NFIX: variants seen among roughly 807,000 people sequenced by gnomAD.
NFIX encodes the protein nuclear factor 1 X-type.
Under a neutral mutation model 53.3 loss-of-function variants are expected in NFIX, and 2 were observed. The observed-to-expected ratio is 0.04, with a 90% CI of 0.02 to 0.12. The LOEUF is 0.12. NFIX is among the 10% of genes least tolerant of loss of function. The pLI, the probability that NFIX is intolerant of heterozygous loss-of-function variation, is 1.00. For synonymous variants in NFIX, 244 were observed against 289.0 expected (o/e 0.84, Z 1.58); for missense variants, 310 against 674.5 (o/e 0.46, Z 5.99).
intron 1 of NFIX, among the ~76,000 whole-genome samples, chr19:13,024,308 G>A (rs1033672439): frequency 6.6e-6 from 1 of 152,166 alleles, no homozygotes; most frequent in Non-Finnish European, 1.5e-5. Context: ...CATTATTACT[G>A]TGATTAACAT....
intron 7 of NFIX, among the ~76,000 whole-genome samples, chr19:13,080,395 T>G (rs2034010215): frequency 6.6e-6 from 1 of 152,154 alleles, no homozygotes; most frequent in African/African-American, 2.4e-5. Context: ...GGCTAATTTT[T>G]AAATGTTTGT....
chr19:13,029,455 C>G (rs1475596789), intron 2 of NFIX, among the ~76,000 whole-genome samples: 1 of 152,138 alleles, frequency 6.6e-6, no homozygotes, highest in African/African-American at 2.4e-5. Context: ...ATGGGTTGAT[C>G]AGTCTCAAAA....
intron 1 of NFIX, among the ~76,000 whole-genome samples, chr19:13,017,519 T>C (rs1240932194): frequency 1.3e-5 from 2 of 151,980 alleles, no homozygotes; most frequent in Non-Finnish European, 2.9e-5. Context: ...TTGCTCCTTG[T>C]CTCTCCTGTG....
chr19:13,078,524 GAGA>G lies in NFIX; in HGVS notation c.956-86_956-84del, dbSNP rs2017251943. On this transcript the variant is annotated intron_variant, in intron 6 of 10. Coordinates refer to ENST00000592199, the MANE Select transcript of NFIX (RefSeq NM_001365902.3). This position sits in a 1 kb window ranked among gnomAD's most constrained non-coding sequence, Gnocchi z 4.7. ...AGGGGCAGTGGGGAGGGGCTGAGGA[GAGA>G]AGGAGCGAGCTGCTGGCTTCCCGCC... 6.8e-7 allele frequency: 1 copy of G among 1,463,704 alleles called. No individual in the cohort carries two copies. The highest frequency in any genetic ancestry group is 1.3e-5 in the South Asian group (1 of 76,784). 90.7% of individuals were successfully genotyped at this position (1,463,704 alleles called of 1,614,324 possible).
rs2017242745 is a variant in NFIX at position 13,078,401 on chromosome 19, A to C, written c.956-212A>C. On this transcript the variant is annotated intron_variant, in intron 6 of 10. Coordinates refer to ENST00000592199, the MANE Select transcript of NFIX (RefSeq NM_001365902.3). This position sits in a 1 kb window ranked among gnomAD's most constrained non-coding sequence, Gnocchi z 4.7. The stretch of plus-strand genomic sequence containing the variant: ...GGCCTCGTTTTCCTCTCTGGTTAGA[A>C]GCACCCCTTGGCTGGCCTACACACA... 6.6e-6 allele frequency among the ~76,000 whole-genome samples: 1 copy of C among 152,278 alleles called. No individual in the cohort carries two copies. Among genetic ancestry groups the C allele is most frequent in the Non-Finnish European group, 1.5e-5 (1 of 68,008 alleles).
rs1156751136 is a variant in NFIX, at chr19:13,095,261, G to C, written c.*612G>C. 6.6e-6 allele frequency: 1 copy of C among 150,846 alleles called. No individual in the cohort carries two copies. The highest frequency in any genetic ancestry group is 1.5e-5 in the Non-Finnish European group (1 of 67,800). The allele number at this position is 150,846 out of a possible 1,614,324, so 9.3% of individuals were successfully genotyped here. A position where few individuals can be genotyped will look rare whatever the true frequency, so the allele number is the denominator to read the frequency against. On this transcript the variant is annotated 3_prime_UTR_variant, in exon 11 of 11. Transcript: ENST00000592199. ...GCTGCTCCCGACCAGGAGGGGGAGA[G>C]CAGCCTCCACTTACCCCACCCCACC...
rs901062016 is a variant in NFIX at position 13,014,733 on chromosome 19, T to C, written c.28-10288T>C. Among the ~76,000 whole-genome samples the C allele has an allele frequency of 1.3e-5, 2 of 152,206 alleles. No homozygotes were observed. Among genetic ancestry groups the C allele is most frequent in the African/African-American group, 4.8e-5 (2 of 41,456 alleles). The stretch of plus-strand genomic sequence containing the variant: ...GCATCCAGCCCCAGAGGAGTGCTCT[T>C]GCCACTGGCCACAGGGCCTGGATTT... On this transcript the variant is annotated intron_variant, in intron 1 of 10. Coordinates refer to ENST00000592199, the MANE Select transcript of NFIX (RefSeq NM_001365902.3). This position sits in a 1 kb window ranked among gnomAD's most constrained non-coding sequence, Gnocchi z 4.4.
intron 1 of NFIX, among the ~76,000 whole-genome samples, chr19:13,020,764 A>C (rs1262798537): frequency 6.6e-6 from 1 of 151,960 alleles, no homozygotes; most frequent in East Asian, 1.9e-4. Flanking sequence ...CAGTCCGTGG[A>C]GTTTTGACCC....
In NFIX at chr19:13,088,726, C is replaced by G. The variant is rs1371665767; in HGVS notation, c.1402+590C>G. On this transcript the variant is annotated intron_variant, in intron 9 of 10. Transcript: ENST00000592199. The surrounding 1 kb of genome is among the most constrained non-coding windows in gnomAD (Gnocchi z 5.9). ...GTTGTTCCTCTTTTTTTTTCCCCCCCTTCCATCCCTCTCCCGTCCCTTCTC... is the reference window on the plus strand; with the variant it reads ...GTTGTTCCTCTTTTTTTTTCCCCCCGTTCCATCCCTCTCCCGTCCCTTCTC... Among the ~76,000 whole-genome samples, 1 of 151,946 alleles carries G rather than the reference C, an allele frequency of 6.6e-6. No individual in the cohort carries two copies. Among genetic ancestry groups the G allele is most frequent in the East Asian group, 1.9e-4 (1 of 5,178 alleles).
At chr19:13,080,784 A>G (rs1028465708) in intron 7 of NFIX, among the ~76,000 whole-genome samples, 12 of 146,374 alleles carry the variant, frequency 8.2e-5, no homozygotes, top group Admixed American at 2.0e-4. Flanking sequence ...GCGGATCACA[A>G]GGTCAGGAGA....
rs1166688322 is a variant in NFIX, at chr19:13,047,852, T to C, written c.559+22300T>C. On this transcript the variant is annotated intron_variant, in intron 2 of 10. Coordinates refer to ENST00000592199, the MANE Select transcript of NFIX (RefSeq NM_001365902.3). ...AAGACAGGCCCCTCTCTTTGTCCCA[T>C]GGTGGCAGCATTCCGGCCCGGTTAA... 1.3e-5 allele frequency among the ~76,000 whole-genome samples: 2 copies of C among 152,192 alleles called. 1 individual carries two copies. The highest frequency in any genetic ancestry group is 4.1e-4 in the South Asian group (2 of 4,826).
rs1208395391 is a variant in NFIX, at chr19:13,043,121, T to C, written c.559+17569T>C. 6.6e-6 allele frequency among the ~76,000 whole-genome samples: 1 copy of C among 152,238 alleles called. No individual in the cohort carries two copies. Among genetic ancestry groups the C allele is most frequent in the South Asian group, 2.1e-4 (1 of 4,830 alleles). ...CATAGGTGTATGTCCCGTTCCTGTA[T>C]TTATTCTCTGCATCAGCTCACACAT... On this transcript the variant is annotated intron_variant, in intron 2 of 10. Coordinates refer to ENST00000592199, the MANE Select transcript of NFIX (RefSeq NM_001365902.3). The surrounding 1 kb of genome is among the most constrained non-coding windows in gnomAD (Gnocchi z 4.0).
intron 2 of NFIX, among the ~76,000 whole-genome samples, chr19:13,046,525 C>G (rs1477345240): frequency 6.6e-6 from 1 of 151,750 alleles, no homozygotes; most frequent in Non-Finnish European, 1.5e-5. Context: ...CTTCTTTTTC[C>G]TTGCATACAC....
rs763258886 is a variant in NFIX at position 13,073,947 on chromosome 19, G to A, written c.739G>A (p.Asp247Asn). Residue 247 changes from aspartate (D) to asparagine (N), a missense_variant, in exon 5 of 11, where the codon GAC becomes AAC. Asp to Asn is a conservative substitution (Grantham distance 23, BLOSUM62 1). This residue lies in a region of NFIX where 164 missense variants were observed against 284.4 expected (regional missense o/e 0.58). Coordinates refer to ENST00000592199, the MANE Select transcript of NFIX (RefSeq NM_001365902.3). This position sits in a 1 kb window ranked among gnomAD's most constrained non-coding sequence, Gnocchi z 4.5. ...ATCAGGGCCCAACTTCTCCCTGGCGGACCTGGAGAGTCCCAGCTACTACAA... is the reference window on the plus strand; with the variant it reads ...ATCAGGGCCCAACTTCTCCCTGGCGAACCTGGAGAGTCCCAGCTACTACAA... The part of the protein sequence containing the change: ...TASGPNFSLA[D>N]LESPSYYNIN... 3.7e-6 allele frequency: 6 copies of A among 1,613,932 alleles called. No individual in the cohort carries two copies. Among genetic ancestry groups the A allele is most frequent in the Non-Finnish European group, 5.1e-6 (6 of 1,179,862 alleles).
At chr19:13,075,089 A>AAAAAAAAAT (rs2017009645) in intron 5 of NFIX, among the ~76,000 whole-genome samples, 1 of 149,304 alleles carries the variant, frequency 6.7e-6, no homozygotes, top group South Asian at 2.1e-4. Context: ...AAAAAAAAAA[A>AAAAAAAAAT]GGAACTAAAA....
At chr19:13,008,394 G>A (rs540531802) in intron 1 of NFIX, among the ~76,000 whole-genome samples, 6 of 152,166 alleles carry the variant, frequency 3.9e-5, no homozygotes, top group African/African-American at 1.2e-4. Flanking sequence ...CTCCAGTGTC[G>A]GCAGGCATTT....
chr19:13,039,944 A>C (rs1010921996), intron 2 of NFIX, among the ~76,000 whole-genome samples: 3 of 152,170 alleles, frequency 2.0e-5, no homozygotes, highest in African/African-American at 7.2e-5. Context: ...TGATGAAGGA[A>C]GAGAGCCAAG....
chr19:13,019,760 T>TTTTA (rs1599728980), intron 1 of NFIX, among the ~76,000 whole-genome samples: 1 of 149,408 alleles, frequency 6.7e-6, no homozygotes, highest in East Asian at 1.9e-4. Context: ...CAAATAGTAC[T>TTTTA]CAACAATAAA....
Position 13,001,879 on chromosome 19 carries a change from C to T in NFIX, c.27+6015C>T, listed in dbSNP as rs1351372239. Among the ~76,000 whole-genome samples, 1 of 152,246 alleles carries T rather than the reference C, an allele frequency of 6.6e-6. No homozygotes were observed. The highest frequency in any genetic ancestry group is 1.5e-5 in the Non-Finnish European group (1 of 68,038). On this transcript the variant is annotated intron_variant, in intron 1 of 10. Transcript: ENST00000592199. The surrounding 1 kb of genome is among the most constrained non-coding windows in gnomAD (Gnocchi z 6.5). The stretch of plus-strand genomic sequence containing the variant: ...CCATGAGGTTGAGCGGCCGCAGTGG[C>T]CTTGCTGGGGGCCCCGCCCGTGCCC...
Sources: gnomAD v4.1 joint callset for allele counts (sites outside exome capture counted in the v4.1 genomes callset) on GRCh38, gnomAD v4.1.1 for gene constraint, gnomAD v4.1.1 regional missense constraint, Gnocchi (gnomAD v3.1) non-coding constraint, MANE v1.5 for transcripts, NCBI Gene and HGNC (gene_info 2026-07-23, HGNC 2026-07-21) for gene names.